ZC4H2: variants seen among roughly 807,000 people sequenced by gnomAD.
ZC4H2 encodes zinc finger C4H2-type containing.
For missense variants in ZC4H2, 137 were observed against 173.9 expected (o/e 0.79, Z 1.19); for synonymous variants, 84 against 66.3 (o/e 1.27, Z -1.30).
Position 64,920,190 on chromosome X carries a change from G to C in ZC4H2, c.289C>G (p.Leu97Val). Residue 97 changes from leucine (L) to valine (V), a missense_variant, in exon 3 of 5, where the codon CTG becomes GTG. Physicochemically the swap from Leu to Val is conservative, Grantham distance 32 (BLOSUM62 1). Coordinates refer to ENST00000374839, the MANE Select transcript of ZC4H2 (RefSeq NM_018684.4). ...TTCAGTGGCTTATACTCATCATGCA[G>C]CCTCCTTGTAGACTCTAGCAGCTTG... ...LNKLLESTRR[L>V]HDEYKPLKEH... is the part of the protein sequence containing the mutation. 1 of 1,211,431 alleles carries C rather than the reference G, an allele frequency of 8.3e-7. No individual in the cohort carries two copies. Among genetic ancestry groups the C allele is most frequent in the Non-Finnish European group, 1.1e-6 (1 of 895,368 alleles).
intron 1 of ZC4H2, among the ~76,000 whole-genome samples, chrX:64,935,874 G>T (rs1264861812): frequency 1.8e-5 from 2 of 111,136 alleles, no homozygotes; most frequent in Admixed American, 1.9e-4. Context: ...TCCTCTAAAG[G>T]ATCACAACTC....
rs763742811 is a variant in ZC4H2, at chrX:64,975,977, T to C, written c.53+348A>G. Among the ~76,000 whole-genome samples the C allele has an allele frequency of 2.7e-5, 3 of 110,740 alleles. No homozygotes were observed. The South Asian group carries it at 1.2e-3, about 43-fold the overall frequency. On this transcript the variant is annotated intron_variant, in intron 1 of 4. Transcript: ENST00000374839. ...AGTTGAACAAGAGACTGGAAAAAAA[T>C]CCCGACTCCTAAAGAGCAAGGAGCC...
At chrX:64,970,999 C>T (rs557890516) in intron 1 of ZC4H2, among the ~76,000 whole-genome samples, 2 of 112,028 alleles carry the variant, frequency 1.8e-5, no homozygotes, top group Admixed American at 1.9e-4. Flanking sequence ...CCTCATGACA[C>T]AATACACACA....
chrX:64,952,068 C>T (rs1192755612), intron 1 of ZC4H2, among the ~76,000 whole-genome samples: 1 of 110,778 alleles, frequency 9.0e-6, no homozygotes. Context: ...ATCCTTTCCC[C>T]ATTGCTTGTT....
chrX:64,987,861 T>C (rs1411093310), intron 1 of ZC4H2, among the ~76,000 whole-genome samples: 2 of 103,080 alleles, frequency 1.9e-5, no homozygotes, highest in Non-Finnish European at 2.0e-5. Context: ...ATTAGGTATA[T>C]CTCCTAATGC....
intron 1 of ZC4H2, among the ~76,000 whole-genome samples, chrX:64,961,094 G>A (rs1385508937): frequency 9.0e-6 from 1 of 111,143 alleles, no homozygotes; most frequent in Non-Finnish European, 1.9e-5. Context: ...TCTACCATCA[G>A]TTTGTCAATG....
chrX:64,999,324 C>A (rs1379533941), intron 1 of ZC4H2, among the ~76,000 whole-genome samples: 2 of 111,379 alleles, frequency 1.8e-5, no homozygotes, highest in Non-Finnish European at 3.8e-5. Flanking sequence ...TTGCCTCACC[C>A]AGGAAGCACA....
intron 1 of ZC4H2, among the ~76,000 whole-genome samples, chrX:64,998,356 T>C (rs1932459572): frequency 8.9e-6 from 1 of 111,762 alleles, no homozygotes; most frequent in African/African-American, 3.3e-5. Context: ...AAAAGAGAGC[T>C]GGTGTGGCTA....
chrX:64,951,160 T>C (rs976161865), intron 1 of ZC4H2, among the ~76,000 whole-genome samples: 2 of 112,413 alleles, frequency 1.8e-5, no homozygotes, highest in Non-Finnish European at 3.8e-5. Context: ...GGCTGCATAG[T>C]ATTCCACGGT....
chrX:65,024,104 C>A (rs917520265), intron 1 of ZC4H2, among the ~76,000 whole-genome samples: 2 of 104,930 alleles, frequency 1.9e-5, no homozygotes, highest in African/African-American at 3.4e-5. Context: ...CGGGGCCTAT[C>A]GGCGGGTGGG....
chrX:64,928,629 T>C (rs780985242), intron 1 of ZC4H2, among the ~76,000 whole-genome samples: 2 of 93,866 alleles, frequency 2.1e-5, no homozygotes, highest in South Asian at 1.1e-3. Context: ...TTGCCTGCTT[T>C]CTCCTTCTTC....
intron 1 of ZC4H2, among the ~76,000 whole-genome samples, chrX:64,995,427 A>G (rs934361046): frequency 9.8e-5 from 11 of 112,111 alleles, no homozygotes; most frequent in African/African-American, 3.6e-4. Flanking sequence ...AGTGCAGTCT[A>G]TGCCTCACTG....
chrX:64,980,325 A>T (rs1932057739), upstream of ZC4H2, among the ~76,000 whole-genome samples: 1 of 111,739 alleles, frequency 8.9e-6, no homozygotes, highest in South Asian at 3.7e-4. Context: ...ATACATATAT[A>T]GTTATACCTA....
intron 1 of ZC4H2, among the ~76,000 whole-genome samples, chrX:64,923,844 C>T (rs1366677021): frequency 9.1e-6 from 1 of 109,868 alleles, no homozygotes; most frequent in Non-Finnish European, 1.9e-5. Flanking sequence ...AACACCAAAG[C>T]CTACATACCA....
intron 1 of ZC4H2, among the ~76,000 whole-genome samples, chrX:65,028,676 C>T (rs780881652): frequency 1.8e-5 from 2 of 110,632 alleles, no homozygotes; most frequent in Non-Finnish European, 3.8e-5. Flanking sequence ...GGACCACAGA[C>T]GTGAGCCACT....
chrX:64,985,806 G>T (rs950329490), intron 1 of ZC4H2, among the ~76,000 whole-genome samples: 14 of 111,799 alleles, frequency 1.3e-4, no homozygotes, highest in African/African-American at 4.2e-4. Flanking sequence ...CTGGTTGCTA[G>T]AGCCCACACT....
At chrX:65,001,106 A>G in intron 1 of ZC4H2, among the ~76,000 whole-genome samples, 1 of 111,262 alleles carries the variant, frequency 9.0e-6, no homozygotes, top group Non-Finnish European at 1.9e-5. Flanking sequence ...ATATTCCTTA[A>G]GAAGAGTAAC....
At chrX:64,966,635 A>G (rs1931602758) in intron 1 of ZC4H2, among the ~76,000 whole-genome samples, 1 of 112,286 alleles carries the variant, frequency 8.9e-6, no homozygotes, top group African/African-American at 3.2e-5. Flanking sequence ...GGAATGAAAT[A>G]CTGTTACATG....
intron 1 of ZC4H2, among the ~76,000 whole-genome samples, chrX:65,016,505 G>A (rs1237879979): frequency 1.8e-5 from 2 of 111,859 alleles, no homozygotes; most frequent in East Asian, 5.6e-4. Context: ...AAAGATGAGA[G>A]CAGACTTTTT....
Sources: allele counts gnomAD v4.1 joint callset (sites outside exome capture counted in the v4.1 genomes callset), GRCh38; gene constraint gnomAD v4.1.1; transcripts MANE v1.5; gene names NCBI Gene and HGNC (gene_info 2026-07-23, HGNC 2026-07-21).